CUX1: variants seen among roughly 807,000 people sequenced by gnomAD.
CUX1 encodes the protein cut like homeobox 1.
CUX1 carries 31 observed loss-of-function variants against 158.8 expected under a neutral mutation model. The ratio of observed to expected loss-of-function variants is 0.20; its 90% CI spans 0.15 to 0.26. The LOEUF is 0.26. Among genes scored for constraint, CUX1 ranks in the 10% least tolerant of loss-of-function variants. The pLI, the probability that CUX1 is intolerant of heterozygous loss-of-function variation, is 1.00. For missense variants in CUX1, 1,589 were observed against 2,014.6 expected (o/e 0.79, Z 4.04); for synonymous variants, 879 against 862.1 (o/e 1.02, Z -0.34).
Position 101,904,568 on chromosome 7 carries a change from ATT to A in CUX1, c.31-11530_31-11529del, listed in dbSNP as rs34284019. Among the ~76,000 whole-genome samples, 131 of 139,296 alleles carry A rather than the reference ATT, an allele frequency of 9.4e-4. 2 individuals are homozygous for A. The highest frequency in any genetic ancestry group is 1.8e-3 in the African/African-American group (67 of 37,686). 91.4% of individuals were successfully genotyped at this position (139,296 alleles called of 152,430 possible). On this transcript the variant is annotated intron_variant, in intron 1 of 23. Transcript: ENST00000292535. The stretch of plus-strand genomic sequence containing the variant: ...TCAAATGTATAATAACATTTTGAGA[ATT>A]TTTTTTTTTTTTTTTTCAGACAGAG...
intron 3 of CUX1, among the ~76,000 whole-genome samples, chr7:102,045,980 C>T (rs1036214438): frequency 2.6e-5 from 4 of 152,150 alleles, no homozygotes; most frequent in South Asian, 2.1e-4. Flanking sequence ...CTCCCAGTGC[C>T]TGGGATGTAG....
chr7:102,091,046 T>C (rs1363401318), intron 4 of CUX1, among the ~76,000 whole-genome samples: 4 of 152,180 alleles, frequency 2.6e-5, no homozygotes, highest in African/African-American at 7.2e-5. Context: ...TTGTGTGATA[T>C]AAGGCATTGA....
At chr7:102,280,087 G>T in exon 19 of CUX1, 1 of 1,610,916 alleles carries the variant, frequency 6.2e-7, no homozygotes, top group Non-Finnish European at 8.5e-7. Context: ...AGTACGAGGA[G>T]CGCCTGGACC....
At chr7:101,922,424 T>C (rs1295959664) in intron 2 of CUX1, among the ~76,000 whole-genome samples, 2 of 152,180 alleles carry the variant, frequency 1.3e-5, no homozygotes, top group Non-Finnish European at 2.9e-5. Context: ...CAGTTCTGCT[T>C]TTTGAGCCTT....
intron 2 of CUX1, among the ~76,000 whole-genome samples, chr7:102,019,092 G>A (rs916101377): frequency 6.6e-5 from 10 of 152,118 alleles, no homozygotes; most frequent in African/African-American, 2.4e-4. Flanking sequence ...TGTGCAGTTC[G>A]AATCTGCCCT....
chr7:101,848,134 T>C (rs1795900415), intron 1 of CUX1, among the ~76,000 whole-genome samples: 1 of 151,904 alleles, frequency 6.6e-6, no homozygotes, highest in South Asian at 2.1e-4. Context: ...AATCTGGCCT[T>C]AGGGGCTATA....
At chr7:101,862,504 G>C (rs935008634) in intron 1 of CUX1, among the ~76,000 whole-genome samples, 10 of 152,144 alleles carry the variant, frequency 6.6e-5, no homozygotes, top group Non-Finnish European at 1.3e-4. Context: ...TAAGTCCCCA[G>C]CACAGAGACT....
chr7:102,060,504 A>C (rs2130348347), intron 3 of CUX1, among the ~76,000 whole-genome samples: 1 of 151,526 alleles, frequency 6.6e-6, no homozygotes, highest in East Asian at 1.9e-4. Context: ...CAGCTCAACA[A>C]GGAGGGAGTT....
At position 101,869,164 on chromosome 7, in the gene CUX1, T is replaced by TGGTGGGGGCA. The variant is rs1325586122; in HGVS notation, c.31-46947_31-46938dup. Among the ~76,000 whole-genome samples, 1 of 151,234 alleles carries TGGTGGGGGCA rather than the reference T, an allele frequency of 6.6e-6. No individual in the cohort carries two copies. Among genetic ancestry groups the TGGTGGGGGCA allele is most frequent in the Non-Finnish European group, 1.5e-5 (1 of 67,756 alleles). On this transcript the variant is annotated intron_variant, in intron 1 of 23. Coordinates refer to ENST00000292535, the MANE Select transcript of CUX1 (RefSeq NM_181552.4). This position sits in a 1 kb window ranked among gnomAD's most constrained non-coding sequence, Gnocchi z 4.5. The stretch of plus-strand genomic sequence containing the variant: ...ATTCCACCTGGGATGTGGGAATGGC[T>TGGTGGGGGCA]GGTGGGGGCAGGTAGGGGGAGACCA...
chr7:102,261,070 G>A (rs781801744), downstream of CUX1, among the ~76,000 whole-genome samples: 1 of 152,266 alleles, frequency 6.6e-6, no homozygotes, highest in Non-Finnish European at 1.5e-5. Context: ...CCGTTGCTTA[G>A]CAACCGACTC....
intron 1 of CUX1, among the ~76,000 whole-genome samples, chr7:101,860,735 C>CCCTTCCTTCCTTCCTTCCTTCCTTCCTT (rs1300604785): frequency 3.1e-4 from 28 of 90,514 alleles, no homozygotes; most frequent in African/African-American, 4.6e-4. Flanking sequence ...TCCCCTTCCT[C>CCCTTCCTTCCTTCCTTCCTTCCTTCCTT]CCTTCCTTCC....
At chr7:102,039,975 C>A (rs537414433) in intron 3 of CUX1, among the ~76,000 whole-genome samples, 2 of 152,166 alleles carry the variant, frequency 1.3e-5, no homozygotes, top group African/African-American at 4.8e-5. Context: ...GCGCGCTGGC[C>A]ACGTTCAGAG....
downstream of CUX1, among the ~76,000 whole-genome samples, chr7:102,262,082 G>A (rs573981076): frequency 3.9e-5 from 6 of 152,078 alleles, no homozygotes; most frequent in Admixed American, 2.6e-4. Flanking sequence ...ACTGCACTCC[G>A]GCCTGGGTGA....
intron 3 of CUX1, 89 bp from the exon 4 acceptor site, chr7:102,070,250 A>T: frequency 4.5e-6 from 5 of 1,109,402 alleles, no homozygotes; most frequent in Non-Finnish European, 6.6e-6. Context: ...TTGCTACGGG[A>T]ATTCACTAGA....
chr7:102,061,625 G>T (rs1044935929), intron 3 of CUX1, among the ~76,000 whole-genome samples: 3 of 152,212 alleles, frequency 2.0e-5, no homozygotes, highest in Non-Finnish European at 2.9e-5. Flanking sequence ...AAACCCTCAT[G>T]TGCCAACAGC....
chr7:102,211,171 C>T (rs782360440), intron 20 of CUX1, among the ~76,000 whole-genome samples: 3 of 152,112 alleles, frequency 2.0e-5, no homozygotes, highest in Non-Finnish European at 2.9e-5. Flanking sequence ...AGGGGCCAGG[C>T]GCGGTGGCTC....
intron 1 of CUX1, among the ~76,000 whole-genome samples, chr7:101,897,973 C>T (rs1041427689): frequency 6.6e-6 from 1 of 152,180 alleles, no homozygotes; most frequent in African/African-American, 2.4e-5. Flanking sequence ...CCTACCCCCA[C>T]CCAGCTTGCC....
At chr7:101,864,075 T>C (rs1320252634) in intron 1 of CUX1, among the ~76,000 whole-genome samples, 1 of 152,202 alleles carries the variant, frequency 6.6e-6, no homozygotes, top group Non-Finnish European at 1.5e-5. Flanking sequence ...GGAATTCTGT[T>C]TGGGTTGCAC....
In CUX1 at chr7:101,828,283, C is replaced by G. The variant is rs868247294; in HGVS notation, c.30+10614C>G. On this transcript the variant is annotated intron_variant, in intron 1 of 23. Transcript: ENST00000292535. ...CCATACCCAGCCCCACTCAATGTCA[C>G]TTTTATTATGGAAAAAAAAAAATCT... 5.9e-5 allele frequency among the ~76,000 whole-genome samples: 9 copies of G among 151,890 alleles called. No homozygotes were observed. The South Asian group carries it at 1.2e-3, about 21-fold the overall frequency.
Sources: gnomAD v4.1 joint callset for allele counts (sites outside exome capture counted in the v4.1 genomes callset) on GRCh38, gnomAD v4.1.1 for gene constraint, Gnocchi (gnomAD v3.1) non-coding constraint, MANE v1.5 for transcripts, NCBI Gene and HGNC (gene_info 2026-07-23, HGNC 2026-07-21) for gene names.